Variants in SPMIP2 observed in about 807,000 individuals in gnomAD.
SPMIP2 encodes sperm microtubule inner protein 2.
the SPMIP2 span, among the ~76,000 whole-genome samples, chr4:158,948,628 T>G: frequency 6.6e-6 from 1 of 152,034 alleles, no homozygotes; most frequent in Non-Finnish European, 1.5e-5. Context: ...GATGAGACTT[T>G]TTTTAAGACA....
chr4:158,930,797 G>A, the SPMIP2 span, among the ~76,000 whole-genome samples: 1 of 152,184 alleles, frequency 6.6e-6, no homozygotes, highest in Non-Finnish European at 1.5e-5. Context: ...ATGAGTCACT[G>A]TGCCCAGCCT....
At chr4:158,950,296 A>G in the SPMIP2 span, among the ~76,000 whole-genome samples, 8 of 152,328 alleles carry the variant, frequency 5.3e-5, no homozygotes, top group Non-Finnish European at 8.8e-5. Flanking sequence ...AAATTCACCC[A>G]TGGAGGCAGC....
chr4:159,045,029 C>T, the SPMIP2 span, among the ~76,000 whole-genome samples: 2 of 151,190 alleles, frequency 1.3e-5, no homozygotes, highest in South Asian at 2.1e-4. Context: ...AGGTGGCAGT[C>T]GCAGTGAGCC....
At chr4:158,976,325 T>C in the SPMIP2 span, among the ~76,000 whole-genome samples, 1 of 152,216 alleles carries the variant, frequency 6.6e-6, no homozygotes, top group Non-Finnish European at 1.5e-5. Context: ...AATACTATGT[T>C]GAACAGGAGT....
chr4:159,030,983 TATTA>T, the SPMIP2 span, among the ~76,000 whole-genome samples: 4 of 152,344 alleles, frequency 2.6e-5, no homozygotes, highest in South Asian at 6.2e-4. Context: ...TTTGTTGTCA[TATTA>T]ATTATTAATA....
At chr4:158,921,261 A>G in the SPMIP2 span, among the ~76,000 whole-genome samples, 1 of 152,164 alleles carries the variant, frequency 6.6e-6, no homozygotes, top group Admixed American at 6.5e-5. Context: ...CAATATGGTG[A>G]AACCCCGTCT....
chr4:158,940,424 G>GT, the SPMIP2 span, among the ~76,000 whole-genome samples: 14 of 152,080 alleles, frequency 9.2e-5, no homozygotes, highest in African/African-American at 3.1e-4. Flanking sequence ...GTGGTGGTGT[G>GT]TTTTTCCACC....
At chr4:158,911,379 T>TAAATAAATAAATAAATAAATA in the SPMIP2 span, among the ~76,000 whole-genome samples, 3 of 144,510 alleles carry the variant, frequency 2.1e-5, no homozygotes, top group African/African-American at 7.8e-5. Context: ...AATAAATAAA[T>TAAATAAATAAATAAATAAATA]AAATAAAATA....
At chr4:158,919,897 G>A in the SPMIP2 span, among the ~76,000 whole-genome samples, 1 of 152,132 alleles carries the variant, frequency 6.6e-6, no homozygotes, top group African/African-American at 2.4e-5. Flanking sequence ...ATGTTCCAGG[G>A]TCATCTTTTC....
At chr4:158,967,520 A>G in the SPMIP2 span, among the ~76,000 whole-genome samples, 8 of 152,254 alleles carry the variant, frequency 5.3e-5, no homozygotes, top group Admixed American at 5.2e-4. Flanking sequence ...GCAGCCCTCC[A>G]AAGACATGCC....
At chr4:158,947,894 AAT>A in the SPMIP2 span, among the ~76,000 whole-genome samples, 33 of 152,330 alleles carry the variant, frequency 2.2e-4, no homozygotes, top group African/African-American at 7.2e-4. Context: ...ACATATACAT[AAT>A]AGAGTGCTTT....
the SPMIP2 span, among the ~76,000 whole-genome samples, chr4:158,921,603 G>A: frequency 4.9e-4 from 75 of 152,242 alleles, no homozygotes; most frequent in African/African-American, 1.7e-3. Context: ...CTCCCCAGAA[G>A]CAGAAGCCTG....
At chr4:159,003,608 A>G in the SPMIP2 span, among the ~76,000 whole-genome samples, 1 of 152,164 alleles carries the variant, frequency 6.6e-6, no homozygotes, top group Non-Finnish European at 1.5e-5. Flanking sequence ...AATGACCTCA[A>G]CTACCCTTGT....
chr4:158,987,426 T>C, the SPMIP2 span, among the ~76,000 whole-genome samples: 4 of 152,046 alleles, frequency 2.6e-5, no homozygotes, highest in African/African-American at 7.2e-5. Flanking sequence ...ATGTGGCACA[T>C]ATACACCATG....
chr4:158,942,022 G>C, the SPMIP2 span, among the ~76,000 whole-genome samples: 5 of 152,324 alleles, frequency 3.3e-5, no homozygotes, highest in Admixed American at 6.5e-5. Context: ...GCTCTGCTCA[G>C]TGAAGAAAAC....
At chr4:159,050,813 TA>T in the SPMIP2 span, among the ~76,000 whole-genome samples, 9 of 148,776 alleles carry the variant, frequency 6.0e-5, no homozygotes, top group East Asian at 1.2e-3. Context: ...AAAAAAGCTA[TA>T]AAAAAAAATC....
the SPMIP2 span, among the ~76,000 whole-genome samples, chr4:159,081,111 C>G: frequency 6.0e-5 from 9 of 149,894 alleles, no homozygotes; most frequent in African/African-American, 2.0e-4. Context: ...GATCTTGGCT[C>G]ACTGCAACCT....
chr4:158,960,331 C>G, the SPMIP2 span: 2 of 1,564,138 alleles, frequency 1.3e-6, no homozygotes, highest in Non-Finnish European at 1.8e-6. Flanking sequence ...AGAAGCTTGA[C>G]TTAGTTCTTC....
the SPMIP2 span, among the ~76,000 whole-genome samples, chr4:159,015,165 G>A: frequency 6.6e-6 from 1 of 152,148 alleles, no homozygotes; most frequent in Non-Finnish European, 1.5e-5. Flanking sequence ...GATTTATTTT[G>A]CCTCTGTCTC....
Sources: gnomAD v4.1 joint callset for allele counts (sites outside exome capture counted in the v4.1 genomes callset) on GRCh38, gnomAD v4.1.1 for gene constraint, MANE v1.5 for transcripts, NCBI Gene and HGNC (gene_info 2026-07-23, HGNC 2026-07-21) for gene names.